HABP2: variants seen among roughly 807,000 people sequenced by gnomAD.
The protein encoded by HABP2 is factor VII-activating protease.
A neutral mutation model predicts 66.5 loss-of-function variants in HABP2; 65 were observed. That is an observed-to-expected ratio of 0.98 (90% CI 0.80 to 1.20). The LOEUF (loss-of-function observed/expected upper bound fraction) is 1.20, where lower values mean the gene tolerates loss of function less well. Among genes scored for constraint, HABP2 ranks in the 50% most tolerant of loss-of-function variants. HABP2 has a pLI of 0.00. For synonymous variants in HABP2, 263 were observed against 253.9 expected (o/e 1.04, Z -0.34); for missense variants, 786 against 691.0 (o/e 1.14, Z -1.54).
At chr10:113,588,177 G>T in intron 12 of HABP2, 28 bp from the exon 13 acceptor site, 3 of 1,564,076 alleles carry the variant, frequency 1.9e-6, no homozygotes, top group Non-Finnish European at 2.6e-6. Flanking sequence ...GGTTCACGAG[G>T]ATGAGCTTAT....
rs1564686082 is a variant in HABP2 at position 113,589,116 on chromosome 10, C to G, written c.*747C>G. 1 of 1,563,604 alleles carries G rather than the reference C, an allele frequency of 6.4e-7. No individual in the cohort carries two copies. Among genetic ancestry groups the G allele is most frequent in the Non-Finnish European group, 8.8e-7 (1 of 1,136,730 alleles). ...AAACATACCCCAAGTTAAAATGAAG[C>G]TCCCCCACCCCCACTCCCGGCCCCG... On this transcript the variant is annotated 3_prime_UTR_variant, in exon 13 of 13. Coordinates refer to ENST00000351270, the MANE Select transcript of HABP2 (RefSeq NM_004132.5).
At chr10:113,573,571 C>T (rs3781381) in intron 2 of HABP2, among the ~76,000 whole-genome samples, 1 of 152,134 alleles carries the variant, frequency 6.6e-6, no homozygotes, top group Non-Finnish European at 1.5e-5. Flanking sequence ...CCTTTAGTAA[C>T]TATGTGTCCT....
chr10:113,583,414 T>C lies in HABP2; in HGVS notation c.1237+56T>C, dbSNP rs1845577320. ...GTCTTGTCCTGGGTGGATTTCTCTA[T>C]GACCAGAAAGCTGAAGTTTGGTTCT... On this transcript the variant is annotated intron_variant, in intron 10 of 12. Transcript: ENST00000351270. 3.9e-6 allele frequency: 6 copies of C among 1,520,948 alleles called. No individual in the cohort carries two copies. The South Asian group carries it at 4.5e-5, about 12-fold the overall frequency. The allele number at this position is 1,520,948 out of a possible 1,614,324, so 94.2% of individuals were successfully genotyped here. A position where few individuals can be genotyped will look rare whatever the true frequency, so the allele number is the denominator to read the frequency against.
chr10:113,588,882 C>A lies in HABP2; in HGVS notation c.*513C>A. On this transcript the variant is annotated 3_prime_UTR_variant, in exon 13 of 13. Coordinates refer to ENST00000351270, the MANE Select transcript of HABP2 (RefSeq NM_004132.5). ...GGAAGATCTGGGATGGGCTGGTGGG[C>A]CATTCCAGCTTGCCGAAATCAAAGC... 1 of 885,942 alleles carries A rather than the reference C, an allele frequency of 1.1e-6. No individual in the cohort carries two copies. The highest frequency in any genetic ancestry group is 1.5e-5 in the South Asian group (1 of 67,778). 54.9% of individuals were successfully genotyped at this position (885,942 alleles called of 1,614,324 possible).
In HABP2 at chr10:113,588,285, T is replaced by G. The variant is rs1845699778; in HGVS notation, c.1599T>G (p.Cys533Trp). ...VYGIVSWGLE[C>W]GKRPGVYTQV... ...GGATAGTGAGCTGGGGCCTGGAGTG[T>G]GGGAAGAGGCCAGGGGTCTACACCC... Residue 533 changes from cysteine to tryptophan, a missense_variant, in exon 13 of 13, where the codon TGT becomes TGG. By Grantham distance (215) the Cys-to-Trp change is radical. Coordinates refer to ENST00000351270, the MANE Select transcript of HABP2 (RefSeq NM_004132.5). 6.2e-7 allele frequency: 1 copy of G among 1,613,576 alleles called. No individual in the cohort carries two copies. The highest frequency in any genetic ancestry group is 2.2e-5 in the East Asian group (1 of 44,856).
At chr10:113,567,858 G>A (rs1845228758) in intron 2 of HABP2, among the ~76,000 whole-genome samples, 1 of 152,222 alleles carries the variant, frequency 6.6e-6, no homozygotes, top group African/African-American at 2.4e-5. Context: ...GCTGAGATGA[G>A]GTGAAAGGCT....
At chr10:113,556,563 A>T (rs1014778713) in intron 1 of HABP2, among the ~76,000 whole-genome samples, 18 of 152,048 alleles carry the variant, frequency 1.2e-4, no homozygotes, top group Admixed American at 5.2e-4. Context: ...AATTTTTTTT[A>T]AATTAAGCGG....
chr10:113,559,799 G>A (rs1273907783), intron 1 of HABP2, among the ~76,000 whole-genome samples: 2 of 152,190 alleles, frequency 1.3e-5, no homozygotes. Context: ...ACTGTCACAC[G>A]AAGCTGCAGC....
intron 2 of HABP2, 124 bp from the exon 3 acceptor site, chr10:113,574,165 G>A: frequency 7.8e-6 from 5 of 642,948 alleles, no homozygotes; most frequent in Middle Eastern, 2.6e-4. Flanking sequence ...CAGAGCTGGA[G>A]AGACACATGA....
rs149433570 is a variant in HABP2 at position 113,577,245 on chromosome 10, A to G, written c.427A>G (p.Thr143Ala). The part of the protein sequence containing the change: ...YYRCVCKHPY[T>A]GPSCSQVVPV... Reference sequence around the variant, plus strand: ...CCGCTGTGTCTGTAAACACCCTTACACAGGTCCCAGCTGCTCCCAAGGTAA... The same window carrying G: ...CCGCTGTGTCTGTAAACACCCTTACGCAGGTCCCAGCTGCTCCCAAGGTAA... The change falls in exon 5 of 13, where the codon ACA (threonine) becomes GCA (alanine). Residue 143 changes from threonine (T) to alanine (A), a missense_variant. Transcript: ENST00000351270. The G allele has an allele frequency of 1.7e-5, 28 of 1,601,542 alleles. No homozygotes were observed. The African/African-American group carries it at 2.9e-4, about 17-fold the overall frequency.
At chr10:113,575,569 C>G (rs1168318612) in intron 3 of HABP2, among the ~76,000 whole-genome samples, 1 of 152,196 alleles carries the variant, frequency 6.6e-6, no homozygotes, top group South Asian at 2.1e-4. Flanking sequence ...GTGGCACTCC[C>G]AGCAAGACTG....
At chr10:113,567,383 C>G in intron 1 of HABP2, 106 bp from the exon 2 acceptor site, 1 of 825,958 alleles carries the variant, frequency 1.2e-6, no homozygotes, top group South Asian at 1.4e-5. Context: ...TCAGAAAGCA[C>G]GCAGTGCACC....
chr10:113,581,992 A>T lies in HABP2; in HGVS notation c.955A>T (p.Lys319Ter). Residue 319 changes from lysine to a stop codon, truncating the protein, a stop_gained, in exon 9 of 13, where the codon AAG becomes TAG. Coordinates refer to ENST00000351270, the MANE Select transcript of HABP2 (RefSeq NM_004132.5). LOFTEE classifies it high-confidence loss of function. ...GATCAAGAGAATCTATGGAGGCTTT[A>T]AGAGCACGGCGGGCAAGCACCCATG... ...RKIKRIYGGF[K>*]STAGKHPWQA... The T allele has an allele frequency of 6.2e-7, 1 of 1,614,230 alleles. No homozygotes were observed. The highest frequency in any genetic ancestry group is 8.5e-7 in the Non-Finnish European group (1 of 1,180,030).
rs1845809612 is a variant in HABP2, at chr10:113,589,494, A to T, written c.*1125A>T. 4 of 721,526 alleles carry T rather than the reference A, an allele frequency of 5.5e-6. No homozygotes were observed. The Admixed American group carries it at 1.2e-4, about 21-fold the overall frequency. The allele number at this position is 721,526 out of a possible 1,614,324, so 44.7% of individuals were successfully genotyped here. A position where few individuals can be genotyped will look rare whatever the true frequency, so the allele number is the denominator to read the frequency against. ...CTGCAGGAAGTTTAACCTGCGTGTC[A>T]TCTGCCTGGTCATCTCAGACCCATG... On this transcript the variant is annotated 3_prime_UTR_variant, in exon 13 of 13. Transcript: ENST00000351270.
In HABP2 at chr10:113,578,722, C is replaced by T; in HGVS notation, c.664C>T (p.Leu222Phe). Reference sequence around the variant, plus strand: ...TGCGTGCCTTTACTGGAACTCCCACCTCCTCTTGCAGGAGAATTACAACAT... The same window carrying T: ...TGCGTGCCTTTACTGGAACTCCCACTTCCTCTTGCAGGAGAATTACAACAT... ...QHACLYWNSH[L>F]LLQENYNMFM... Residue 222 changes from leucine to phenylalanine, a missense_variant, in exon 7 of 13, where the codon CTC (leucine) becomes TTC (phenylalanine). Physicochemically the swap from Leu to Phe is conservative, Grantham distance 22 (BLOSUM62 0). Coordinates refer to ENST00000351270, the MANE Select transcript of HABP2 (RefSeq NM_004132.5). 1.2e-6 allele frequency: 2 copies of T among 1,610,590 alleles called. No homozygotes were observed. The highest frequency in any genetic ancestry group is 1.7e-6 in the Non-Finnish European group (2 of 1,176,790).
Position 113,580,816 on chromosome 10 carries a change from A to AT in HABP2, c.838+125dup, listed in dbSNP as rs555143380. The AT allele has an allele frequency of 3.9e-4, 243 of 616,740 alleles. 4 individuals are homozygous for AT. The South Asian group carries it at 4.5e-3, about 11-fold the overall frequency. 38.2% of individuals were successfully genotyped at this position (616,740 alleles called of 1,614,324 possible). A position where few individuals can be genotyped will look rare whatever the true frequency, so the allele number is the denominator to read the frequency against. The stretch of plus-strand genomic sequence containing the variant: ...CTCCACACCTGCTTTACCAATTCCC[A>AT]TCCCAGTGCCAGCCCAACTGCCCAA... On this transcript the variant is annotated intron_variant, in intron 8 of 12. Transcript: ENST00000351270.
At position 113,556,019 on chromosome 10, in the gene HABP2, T is replaced by A. The variant is rs77674480; in HGVS notation, c.69+2829T>A. ...AAGCTTGCCTGCTTATCTCAGCCCA[T>A]CCCTAGAAAGAAGAAAGACAAAGGC... On this transcript the variant is annotated intron_variant, in intron 1 of 12. Transcript: ENST00000351270. Among the ~76,000 whole-genome samples, 479 of 151,938 alleles carry A rather than the reference T, an allele frequency of 3.2e-3. 18 individuals are homozygous for A. The East Asian group carries it at 0.078, about 25-fold the overall frequency.
At chr10:113,572,389 G>T (rs1845329920) in intron 2 of HABP2, among the ~76,000 whole-genome samples, 1 of 152,208 alleles carries the variant, frequency 6.6e-6, no homozygotes, top group South Asian at 2.1e-4. Context: ...AATTCTTAAT[G>T]GCCTTGCCAA....
chr10:113,555,673 G>A (rs1370579439), intron 1 of HABP2, among the ~76,000 whole-genome samples: 1 of 152,148 alleles, frequency 6.6e-6, no homozygotes, highest in Non-Finnish European at 1.5e-5. Flanking sequence ...CATTCATTGT[G>A]CCTTGCTGTT....
Sources: gnomAD v4.1 joint callset for allele counts (sites outside exome capture counted in the v4.1 genomes callset) on GRCh38, gnomAD v4.1.1 for gene constraint, MANE v1.5 for transcripts, NCBI Gene and HGNC (gene_info 2026-07-23, HGNC 2026-07-21) for gene names.